The following WDR7 variants were observed in gnomAD, a reference collection of about 807,000 sequenced individuals.
WDR7 encodes WD repeat domain 7.
A neutral mutation model predicts 169.4 loss-of-function variants in WDR7; 46 were observed. The observed-to-expected ratio is 0.27, with a 90% CI of 0.21 to 0.35. The LOEUF (loss-of-function observed/expected upper bound fraction) is 0.35, where lower values mean the gene tolerates loss of function less well. Ranked by LOEUF, WDR7 falls within the 10% of genes least tolerant of loss-of-function variation. WDR7 has a pLI of 1.00. For synonymous variants in WDR7, 612 were observed against 666.8 expected, an observed-to-expected ratio of 0.92 and a Z score of 1.27; for missense variants, 1,534 against 1,859.3, an observed-to-expected ratio of 0.83 and a Z score of 3.22.
chr18:56,938,842 TAA>T (rs2046996136), intron 24 of WDR7, among the ~76,000 whole-genome samples, 160 bp downstream of exon 24: 1 of 149,174 alleles, frequency 6.7e-6, no homozygotes, highest in Non-Finnish European at 1.5e-5. Flanking sequence ...TGTGTGTGTG[TAA>T]GAGAGAGATA....
rs1398477258 is a variant in WDR7 at position 57,028,589 on chromosome 18, G to A, written c.*1382G>A. 6.6e-6 allele frequency: 1 copy of A among 152,144 alleles called. No individual in the cohort carries two copies. The highest frequency in any genetic ancestry group is 6.5e-5 in the Admixed American group (1 of 15,280). 9.4% of individuals were successfully genotyped at this position (152,144 alleles called of 1,614,324 possible). A position where few individuals can be genotyped will look rare whatever the true frequency, so the allele number is the denominator to read the frequency against. On this transcript the variant is annotated 3_prime_UTR_variant, in exon 28 of 28. Transcript: ENST00000254442. ...GTTAAATTCAGAGAAAATATGTGAAGTTTACAAAGGAACCAAAATGATAAT... is the reference window on the plus strand; with the variant it reads ...GTTAAATTCAGAGAAAATATGTGAAATTTACAAAGGAACCAAAATGATAAT...
At chr18:56,822,809 T>A (rs2145244952) in intron 20 of WDR7, among the ~76,000 whole-genome samples, 1 of 152,174 alleles carries the variant, frequency 6.6e-6, no homozygotes, top group East Asian at 1.9e-4. Flanking sequence ...ATGGTTTTTG[T>A]TTTTTAACTC....
At chr18:56,703,829 C>T (rs535482978) in intron 12 of WDR7, among the ~76,000 whole-genome samples, 7 of 150,626 alleles carry the variant, frequency 4.6e-5, no homozygotes, top group East Asian at 3.9e-4. Flanking sequence ...CTGTTATCAA[C>T]GGTGGGAATG....
At chr18:57,025,429 T>C (rs1239105799) in intron 27 of WDR7, among the ~76,000 whole-genome samples, 1 of 152,206 alleles carries the variant, frequency 6.6e-6, no homozygotes, top group Non-Finnish European at 1.5e-5. Flanking sequence ...GGCATTGATT[T>C]TTATCTTCTG....
At chr18:56,728,984 G>A (rs12454365) in intron 13 of WDR7, among the ~76,000 whole-genome samples, 64,658 of 151,934 alleles carry the variant, frequency 0.43, 14,024 homozygotes, top group East Asian at 0.67. Context: ...TGTATTTACT[G>A]ACTTTGGGCT....
intron 21 of WDR7, among the ~76,000 whole-genome samples, chr18:56,917,945 T>A (rs1436853942): frequency 6.6e-6 from 1 of 152,200 alleles, no homozygotes; most frequent in Admixed American, 6.5e-5. Flanking sequence ...GCTATTATTA[T>A]TCTTGACAGC....
intron 1 of WDR7, among the ~76,000 whole-genome samples, chr18:56,671,238 G>A (rs1447518397): frequency 6.6e-6 from 1 of 151,080 alleles, no homozygotes; most frequent in African/African-American, 2.4e-5. Context: ...TGACCTTCAG[G>A]CATAACGGGT....
At chr18:56,685,901 A>C in intron 5 of WDR7, 55 bp from the exon 6 acceptor site, 1 of 1,381,654 alleles carries the variant, frequency 7.2e-7, no homozygotes, top group Non-Finnish European at 1.0e-6. Flanking sequence ...TAATATTTAG[A>C]AAAAGCGTAT....
chr18:56,773,748 A>G (rs2044199724), intron 16 of WDR7, among the ~76,000 whole-genome samples: 1 of 152,162 alleles, frequency 6.6e-6, no homozygotes, highest in Non-Finnish European at 1.5e-5. Flanking sequence ...AAGTATTGAC[A>G]CAAAAGAAAA....
At chr18:56,864,732 T>A (rs1336540481) in intron 20 of WDR7, among the ~76,000 whole-genome samples, 1 of 151,912 alleles carries the variant, frequency 6.6e-6, no homozygotes, top group Admixed American at 6.6e-5. Context: ...GAGATGATCA[T>A]ATATTGAAAT....
At chr18:56,743,867 A>G (rs953928025) in intron 14 of WDR7, among the ~76,000 whole-genome samples, 2 of 152,114 alleles carry the variant, frequency 1.3e-5, no homozygotes, top group African/African-American at 2.4e-5. Context: ...CCAGGGGATG[A>G]GAGAGTGGGC....
rs552802767 is a variant in WDR7, at chr18:56,994,292, A to G, written c.4165-26453A>G. Among the ~76,000 whole-genome samples, 8 of 152,234 alleles carry G rather than the reference A, an allele frequency of 5.3e-5. No individual in the cohort carries two copies. In the South Asian group the frequency reaches 1.5e-3, roughly 28 times the overall value. ...GCCTGCCTCAGCCTCCCAAAGTGCT[A>G]GGATTACAGGCTTGAGCCACTGCAC... is the stretch of plus-strand genomic sequence containing the variant. On this transcript the variant is annotated intron_variant, in intron 26 of 27. Transcript: ENST00000254442.
intron 21 of WDR7, among the ~76,000 whole-genome samples, chr18:56,900,082 G>GTGTATATA (rs1409730889): frequency 4.1e-4 from 13 of 32,064 alleles, no homozygotes; most frequent in African/African-American, 7.5e-4. Context: ...GTGTGTGTGT[G>GTGTATATA]TATATATATA....
At position 56,993,639 on chromosome 18, in the gene WDR7, T is replaced by G. The variant is rs149449950; in HGVS notation, c.4165-27106T>G. ...TTTTAACTCTGTAAATGCTCCATTT[T>G]AAGTGTGTTAGCAAAGCATTTTTGT... On this transcript the variant is annotated intron_variant, in intron 26 of 27. Coordinates refer to ENST00000254442, the MANE Select transcript of WDR7 (RefSeq NM_015285.3). Among the ~76,000 whole-genome samples the G allele has an allele frequency of 6.8e-3, 1,033 of 152,338 alleles. 20 individuals are homozygous for G. Among genetic ancestry groups the G allele is most frequent in the African/African-American group, 0.024 (993 of 41,558 alleles).
Position 56,928,743 on chromosome 18 carries a change from T to C in WDR7, c.3713+4635T>C, listed in dbSNP as rs75928223. 7.2e-3 allele frequency among the ~76,000 whole-genome samples: 1,103 copies of C among 152,248 alleles called. 15 individuals carry two copies. The highest frequency in any genetic ancestry group is 0.023 in the African/African-American group (976 of 41,544). ...TTAGAGAAATTCAAGAAATAGGCAT[T>C]ATCATCCCCACTTTGCAGATGAGAA... On this transcript the variant is annotated intron_variant, in intron 22 of 27. Coordinates refer to ENST00000254442, the MANE Select transcript of WDR7 (RefSeq NM_015285.3).
At chr18:56,752,299 C>T (rs925525451) in intron 14 of WDR7, among the ~76,000 whole-genome samples, 4 of 152,180 alleles carry the variant, frequency 2.6e-5, no homozygotes, top group Admixed American at 2.6e-4. Flanking sequence ...TGTGATACTT[C>T]TGTCTTTGTC....
Position 56,672,669 on chromosome 18 carries a change from C to T in WDR7, c.154C>T (p.Leu52=), listed in dbSNP as rs1349306155. 2.5e-6 allele frequency: 4 copies of T among 1,607,126 alleles called. No individual in the cohort carries two copies. The highest frequency in any genetic ancestry group is 3.4e-6 in the Non-Finnish European group (4 of 1,177,270). The change falls in exon 2 of 28, where the codon CTG becomes TTG. Residue 52 remains leucine (L), a synonymous_variant. Transcript: ENST00000254442. The part of the protein sequence containing the change: ...QICLWDLSVE[L]QINPRALLFG... ...ATGTCTCTGGGATCTTTCAGTAGAA[C>T]TGCAAGTGAGTATGTGAAATGCCTA... is the stretch of plus-strand genomic sequence containing the variant.
intron 22 of WDR7, among the ~76,000 whole-genome samples, chr18:56,928,493 T>G (rs2046837242): frequency 6.6e-6 from 1 of 152,140 alleles, no homozygotes; most frequent in African/African-American, 2.4e-5. Context: ...TCAAACATAA[T>G]TTCCTTCCCA....
Position 56,717,948 on chromosome 18 carries a change from T to G in WDR7, c.1579-16T>G. ...AATTTAATTTAAACACAATTAAGGT[T>G]TATTCTTCTTTTCAGGCAAGAGTAC... is the stretch of plus-strand genomic sequence containing the variant. On this transcript the variant is annotated splice_polypyrimidine_tract_variant and intron_variant, in intron 12 of 27. Coordinates refer to ENST00000254442, the MANE Select transcript of WDR7 (RefSeq NM_015285.3). The G allele has an allele frequency of 6.4e-7, 1 of 1,568,926 alleles. No homozygotes were observed. The highest frequency in any genetic ancestry group is 8.6e-7 in the Non-Finnish European group (1 of 1,159,296).
Sources: gnomAD v4.1 joint callset for allele counts (sites outside exome capture counted in the v4.1 genomes callset) on GRCh38, gnomAD v4.1.1 for gene constraint, MANE v1.5 for transcripts, NCBI Gene and HGNC (gene_info 2026-07-23, HGNC 2026-07-21) for gene names.